DDX18: variants seen among roughly 807,000 people sequenced by gnomAD.
DDX18 encodes the protein DEAD-box helicase 18.
Under a neutral mutation model 73.5 loss-of-function variants are expected in DDX18, and 23 were observed. That is an observed-to-expected ratio of 0.31 (90% CI 0.23 to 0.44). The LOEUF (loss-of-function observed/expected upper bound fraction) is 0.44. DDX18 is among the 20% of genes least tolerant of loss of function. The pLI is 1.00. For synonymous variants in DDX18, 268 were observed against 282.7 expected (o/e 0.95, Z 0.52); for missense variants, 753 against 792.9 (o/e 0.95, Z 0.60).
chr2:117,824,834 A>G (rs1324499886), intron 8 of DDX18, 106 bp from the exon 9 acceptor site: 3 of 1,472,506 alleles, frequency 2.0e-6, no homozygotes, highest in Non-Finnish European at 2.7e-6. Flanking sequence ...GAGGCATGAC[A>G]GTTTACACAC....
intron 2 of DDX18, among the ~76,000 whole-genome samples, chr2:117,818,114 C>T (rs1014700773): frequency 2.0e-5 from 3 of 152,032 alleles, no homozygotes; most frequent in Non-Finnish European, 4.4e-5. Flanking sequence ...TAGGAAACTT[C>T]TGAATAAATG....
chr2:117,816,045 A>G (rs887394454), intron 1 of DDX18, among the ~76,000 whole-genome samples: 2 of 152,222 alleles, frequency 1.3e-5, no homozygotes, highest in African/African-American at 2.4e-5. Context: ...AAACATAGAA[A>G]AGGTACAGTA....
rs2104620668 is a variant in DDX18, at chr2:117,819,711, A to G, written c.433A>G (p.Lys145Glu). 1 of 1,610,132 alleles carries G rather than the reference A, an allele frequency of 6.2e-7. No individual in the cohort carries two copies. The highest frequency in any genetic ancestry group is 1.7e-5 in the Admixed American group (1 of 59,342). The change falls in exon 3 of 14, where the codon AAA becomes GAA. Residue 145 changes from lysine (K) to glutamate (E), a missense_variant. Coordinates refer to ENST00000263239, the MANE Select transcript of DDX18 (RefSeq NM_006773.4). The part of the protein sequence containing the change: ...KSEEESAETT[K>E]ETENNVEKPD... ...TGAAGAAGAAAGTGCCGAGACTACTAAAGAAACAGAAAATAATGTGGAGAA... is the reference window on the plus strand; with the variant it reads ...TGAAGAAGAAAGTGCCGAGACTACTGAAGAAACAGAAAATAATGTGGAGAA...
At position 117,824,971 on chromosome 2, in the gene DDX18, T is replaced by C; in HGVS notation, c.1238T>C (p.Phe413Ser). 1 of 1,612,222 alleles carries C rather than the reference T, an allele frequency of 6.2e-7. No individual in the cohort carries two copies. The highest frequency in any genetic ancestry group is 8.5e-7 in the Non-Finnish European group (1 of 1,179,510). The change falls in exon 9 of 14, where the codon TTC (phenylalanine) becomes TCC (serine). Residue 413 changes from phenylalanine to serine, a missense_variant. By Grantham distance (155) the Phe-to-Ser change is radical (BLOSUM62 -2). Transcript: ENST00000263239. ...GTTGTTTGTCCTTCTGAAAAGAGAT[T>C]CCTTCTGCTCTTTACATTCCTTAAG... ...GYVVCPSEKRFLLLFTFLKKN... is the reference protein window; with the variant it reads ...GYVVCPSEKRSLLLFTFLKKN...
Position 117,822,166 on chromosome 2 carries a change from A to G in DDX18, c.971A>G (p.Tyr324Cys), listed in dbSNP as rs769242755. The change falls in exon 7 of 14, where the codon TAT becomes TGT. Residue 324 changes from tyrosine to cysteine, a missense_variant. This residue lies in a region of DDX18 where 402 missense variants were observed against 419.4 expected (regional missense o/e 0.96). Coordinates refer to ENST00000263239, the MANE Select transcript of DDX18 (RefSeq NM_006773.4). The part of the protein sequence containing the change: ...DHMQNTPGFM[Y>C]KNLQCLVIDE... ...TGTTAGAATACCCCAGGATTTATGT[A>G]TAAAAACCTGCAGTGTCTGGTTATT... The G allele has an allele frequency of 8.7e-6, 14 of 1,613,864 alleles. No individual in the cohort carries two copies. Among genetic ancestry groups the G allele is most frequent in the African/African-American group, 2.7e-5 (2 of 74,934 alleles).
At chr2:117,828,876 T>A in intron 11 of DDX18, 73 bp from the exon 12 acceptor site, 1 of 1,075,828 alleles carries the variant, frequency 9.3e-7, no homozygotes, top group Non-Finnish European at 1.4e-6. Flanking sequence ...GGTTCATCCT[T>A]CCCTGTCTTC....
intron 13 of DDX18, among the ~76,000 whole-genome samples, chr2:117,829,896 C>G (rs1284534784): frequency 6.6e-6 from 1 of 152,110 alleles, no homozygotes; most frequent in African/African-American, 2.4e-5. Context: ...ATCTTAGAAC[C>G]CCTGAAGGAT....
intron 1 of DDX18, chr2:117,815,071 GCAAT>G (rs1679733574): frequency 1.7e-6 from 1 of 589,172 alleles, no homozygotes; most frequent in Non-Finnish European, 3.0e-6. Context: ...ACCTTTCTGA[GCAAT>G]CAGTGTCTTC....
At chr2:117,816,450 T>C (rs1193638813) in intron 1 of DDX18, among the ~76,000 whole-genome samples, 3 of 152,188 alleles carry the variant, frequency 2.0e-5, no homozygotes, top group Admixed American at 1.3e-4. Flanking sequence ...TTGTTAAAAA[T>C]GTAAAGACAC....
chr2:117,817,074 A>G (rs1279844233), intron 1 of DDX18, among the ~76,000 whole-genome samples: 1 of 152,208 alleles, frequency 6.6e-6, no homozygotes, highest in Admixed American at 6.5e-5. Flanking sequence ...GTCTTTTTCA[A>G]TATATCAGTT....
chr2:117,825,217 A>G (rs1679904864), intron 9 of DDX18, 116 bp downstream of exon 9: 1 of 1,361,662 alleles, frequency 7.3e-7, no homozygotes, highest in East Asian at 2.3e-5. Flanking sequence ...TTTGATCACC[A>G]CTAGATGATG....
Position 117,829,166 on chromosome 2 carries a change from C to G in DDX18, c.1693-123C>G, listed in dbSNP as rs1679980174. 25 of 1,177,412 alleles carry G rather than the reference C, an allele frequency of 2.1e-5. 1 individual carries two copies. The South Asian group carries it at 3.8e-4, about 18-fold the overall frequency. 72.9% of individuals were successfully genotyped at this position (1,177,412 alleles called of 1,614,324 possible). On this transcript the variant is annotated intron_variant, in intron 12 of 13. Coordinates refer to ENST00000263239, the MANE Select transcript of DDX18 (RefSeq NM_006773.4). ...GGTTTCTTGCTATTCTAGTTATCAC[C>G]ACTCTGTGCCCTCTTTAAATGTTTT... is the stretch of plus-strand genomic sequence containing the variant.
chr2:117,814,711 T>G lies in DDX18; in HGVS notation c.-67T>G, dbSNP rs942436597. 24 of 1,521,040 alleles carry G rather than the reference T, an allele frequency of 1.6e-5. No homozygotes were observed. The highest frequency in any genetic ancestry group is 1.9e-5 in the Non-Finnish European group (21 of 1,106,144). 94.2% of individuals were successfully genotyped at this position (1,521,040 alleles called of 1,614,324 possible). A position where few individuals can be genotyped will look rare whatever the true frequency, so the allele number is the denominator to read the frequency against. On this transcript the variant is annotated 5_prime_UTR_variant, in exon 1 of 14. Transcript: ENST00000263239. ...TGCGCACGTGCGGCCGGAAGGGAAG[T>G]AACGTCAGCCTGAGAACTGAGTAGC...
intron 1 of DDX18, 100 bp from the exon 2 acceptor site, chr2:117,817,340 ATAAT>A: frequency 9.1e-7 from 1 of 1,100,740 alleles, no homozygotes; most frequent in Non-Finnish European, 1.3e-6. Context: ...GAAAATCTAA[ATAAT>A]TTGTGTCAGG....
In DDX18 at chr2:117,829,016, T is replaced by C; in HGVS notation, c.1692+11T>C. ...GACATTCAGTCTCAGGTATGTGCTT[T>C]TTAAACGTTTGTGAGTAAACAGGAA... On this transcript the variant is annotated intron_variant, in intron 12 of 13. Transcript: ENST00000263239. 2.5e-6 allele frequency: 4 copies of C among 1,609,586 alleles called. No homozygotes were observed. The highest frequency in any genetic ancestry group is 3.4e-6 in the Non-Finnish European group (4 of 1,176,102).
At chr2:117,829,202 G>GCTT in intron 12 of DDX18, 87 bp from the exon 13 acceptor site, 1 of 1,396,972 alleles carries the variant, frequency 7.2e-7, no homozygotes, top group South Asian at 1.4e-5. Context: ...CCATGGAGTG[G>GCTT]CTTTGCTCTA....
intron 10 of DDX18, chr2:117,825,980 C>T (rs776513987): frequency 2.3e-4 from 91 of 393,164 alleles, no homozygotes; most frequent in Non-Finnish European, 3.7e-4. Context: ...GATGATGAAG[C>T]ACACATAATA....
intron 2 of DDX18, among the ~76,000 whole-genome samples, chr2:117,818,742 G>C (rs745623505): frequency 2.0e-5 from 3 of 152,070 alleles, no homozygotes; most frequent in Non-Finnish European, 1.5e-5. Context: ...AGCTGGTCTT[G>C]AACTCCTGGG....
intron 9 of DDX18, 116 bp from the exon 10 acceptor site, chr2:117,825,331 T>C (rs1679907303): frequency 3.0e-6 from 4 of 1,329,022 alleles, no homozygotes; most frequent in Non-Finnish European, 4.1e-6. Context: ...GTTGGGGAAA[T>C]AGGACATAGG....
Sources: gnomAD v4.1 joint callset for allele counts (sites outside exome capture counted in the v4.1 genomes callset) on GRCh38, gnomAD v4.1.1 for gene constraint, gnomAD v4.1.1 regional missense constraint, MANE v1.5 for transcripts, NCBI Gene and HGNC (gene_info 2026-07-23, HGNC 2026-07-21) for gene names.